The following CKMT2 variants were observed in gnomAD, a reference collection of about 807,000 sequenced individuals.
CKMT2 encodes creatine kinase S-type, mitochondrial.
Under a neutral mutation model 48.9 loss-of-function variants are expected in CKMT2, and 43 were observed. The ratio of observed to expected loss-of-function variants is 0.88; its 90% confidence interval spans 0.69 to 1.13. The LOEUF (loss-of-function observed/expected upper bound fraction) is 1.13, where lower values mean the gene tolerates loss of function less well. Ranked by LOEUF, CKMT2 falls within the 50% of genes most tolerant of loss-of-function variation. CKMT2 has a pLI of 0.00. For synonymous variants in CKMT2, 206 were observed against 213.0 expected (o/e 0.97, Z 0.29); for missense variants, 472 against 555.4 (o/e 0.85, Z 1.51).
chr5:81,263,418 G>C (rs767393892), intron 8 of CKMT2, 73 bp from the exon 9 acceptor site: 219 of 1,106,742 alleles, frequency 2.0e-4, no homozygotes, highest in Non-Finnish European at 2.6e-4. Flanking sequence ...TATGTCTTTT[G>C]TCAGTAAACG....
At chr5:81,257,652 C>T in intron 6 of CKMT2, 81 bp from the exon 7 acceptor site, 1 of 1,283,960 alleles carries the variant, frequency 7.8e-7, no homozygotes, top group Non-Finnish European at 1.1e-6. Context: ...ATGAAGCAAT[C>T]AAGCTAGGGA....
intron 1 of CKMT2, among the ~76,000 whole-genome samples, chr5:81,250,037 T>A (rs1370495466): frequency 6.6e-6 from 1 of 152,220 alleles, no homozygotes; most frequent in Non-Finnish European, 1.5e-5. Context: ...CAGCCATTCC[T>A]CTTCAAATCT....
In CKMT2 at chr5:81,266,282, A is replaced by G. The variant is rs1389601805; in HGVS notation, c.*24A>G. On this transcript the variant is annotated 3_prime_UTR_variant, in exon 10 of 10. Coordinates refer to ENST00000254035, the MANE Select transcript of CKMT2 (RefSeq NM_001099735.2). ...AAACTTTCCCTTTCCCAATTTATAA[A>G]TAATCTGTCTGCTGGTACGACAGAC... 1 of 1,610,496 alleles carries G rather than the reference A, an allele frequency of 6.2e-7. No homozygotes were observed. Among genetic ancestry groups the G allele is most frequent in the African/African-American group, 1.3e-5 (1 of 74,834 alleles).
At chr5:81,258,020 C>T in intron 7 of CKMT2, 164 bp downstream of exon 7, 1 of 564,338 alleles carries the variant, frequency 1.8e-6, no homozygotes, top group Non-Finnish European at 3.0e-6. Flanking sequence ...CCGCCTCAGC[C>T]TCTAGAGTAG....
At chr5:81,259,455 T>C (rs568289387) in intron 8 of CKMT2, 3 of 427,386 alleles carry the variant, frequency 7.0e-6, no homozygotes, top group Admixed American at 4.2e-5. Context: ...AAGAAAAAGA[T>C]GGTAGCTTCA....
intron 9 of CKMT2, 147 bp downstream of exon 9, chr5:81,263,763 T>C: frequency 1.7e-6 from 1 of 589,490 alleles, no homozygotes; most frequent in Non-Finnish European, 2.8e-6. Context: ...TTTCATTCTG[T>C]AACATTATTC....
chr5:81,248,195 G>A (rs1756676308), intron 1 of CKMT2, among the ~76,000 whole-genome samples: 1 of 152,174 alleles, frequency 6.6e-6, no homozygotes, highest in South Asian at 2.1e-4. Context: ...ACATATCAGT[G>A]CATAGGCAAT....
chr5:81,257,715 T>TATTTCTCTCTTCATTAGGCATAA lies in CKMT2; in HGVS notation c.756-17_761dup, dbSNP rs765452577. Reference sequence around the variant, plus strand: ...CAAATGCAATTAACACTCAGTACCATATTTCTCTCTTCATTAGGCATAATT... The same window carrying TATTTCTCTCTTCATTAGGCATAA: ...CAAATGCAATTAACACTCAGTACCATATTTCTCTCTTCATTAGGCATAAATTTCTCTCTTCATTAGGCATAATT... On this transcript the variant is annotated splice_polypyrimidine_tract_variant and intron_variant, in intron 6 of 9. Coordinates refer to ENST00000254035, the MANE Select transcript of CKMT2 (RefSeq NM_001099735.2). 69 of 1,607,042 alleles carry TATTTCTCTCTTCATTAGGCATAA rather than the reference T, an allele frequency of 4.3e-5. 1 individual carries two copies. The highest frequency in any genetic ancestry group is 1.9e-4 in the South Asian group (17 of 90,474).
intron 8 of CKMT2, among the ~76,000 whole-genome samples, chr5:81,261,149 T>C (rs1757209542): frequency 6.6e-6 from 1 of 152,186 alleles, no homozygotes; most frequent in Non-Finnish European, 1.5e-5. Context: ...AGAAAAGGCC[T>C]TTGACAAAAT....
intron 4 of CKMT2, 170 bp from the exon 5 acceptor site, chr5:81,254,823 A>G (rs1220867005): frequency 1.6e-6 from 1 of 640,122 alleles, no homozygotes; most frequent in Non-Finnish European, 2.8e-6. Flanking sequence ...TACTAGTCGA[A>G]GGTCCGTGCC....
intron 4 of CKMT2, 153 bp downstream of exon 4, chr5:81,254,644 G>A (rs1489377112): frequency 1.5e-6 from 1 of 655,300 alleles, no homozygotes; most frequent in Non-Finnish European, 2.6e-6. Flanking sequence ...GAGGGCCACA[G>A]AGAAGGTTAG....
chr5:81,254,045 A>G (rs1056405778), intron 3 of CKMT2, among the ~76,000 whole-genome samples: 8 of 152,238 alleles, frequency 5.3e-5, no homozygotes, highest in African/African-American at 1.9e-4. Context: ...ACAAGAGCAA[A>G]CACGTCTAGG....
intron 1 of CKMT2, chr5:81,236,204 AGCT>A (rs976506413): frequency 6.6e-6 from 1 of 152,122 alleles, no homozygotes; most frequent in Non-Finnish European, 1.5e-5. Flanking sequence ...TGTGCCTAGG[AGCT>A]GCTGTGTTAA....
rs1454464658 is a variant in CKMT2, at chr5:81,259,778, A to T, written c.1014+524A>T. 1.1e-3 allele frequency among the ~76,000 whole-genome samples: 163 copies of T among 152,308 alleles called. 1 individual carries two copies. Among genetic ancestry groups the T allele is most frequent in the East Asian group, 1.7e-3 (9 of 5,188 alleles). On this transcript the variant is annotated intron_variant, in intron 8 of 9. Transcript: ENST00000254035. ...CTTAGACTCCCACACAATAACAGTG[A>T]GAGACTTTAACACCCCATTGTCAAT...
chr5:81,259,056 G>A, intron 7 of CKMT2, 64 bp from the exon 8 acceptor site: 1 of 1,502,276 alleles, frequency 6.7e-7, no homozygotes, highest in Admixed American at 1.7e-5. Context: ...CTGGTGTTAG[G>A]GATGTGCTGA....
chr5:81,259,956 C>T (rs376466214), intron 8 of CKMT2, among the ~76,000 whole-genome samples: 1 of 152,064 alleles, frequency 6.6e-6, no homozygotes, highest in Non-Finnish European at 1.5e-5. Context: ...ATTGTAAAAT[C>T]GACCCCACAA....
chr5:81,236,841 C>T (rs946186519), intron 1 of CKMT2, among the ~76,000 whole-genome samples: 1 of 152,270 alleles, frequency 6.6e-6, no homozygotes, highest in South Asian at 2.1e-4. Flanking sequence ...GTCTTGTCCG[C>T]AGAGATAGAA....
chr5:81,251,513 G>A (rs562033855), intron 2 of CKMT2, among the ~76,000 whole-genome samples: 3 of 152,262 alleles, frequency 2.0e-5, no homozygotes, highest in Admixed American at 6.5e-5. Context: ...GCTTGAACCT[G>A]GGAGGCGGAG....
rs1300326456 is a variant in CKMT2, at chr5:81,263,519, A to C, written c.1043A>C (p.Asn348Thr). 4.3e-6 allele frequency: 7 copies of C among 1,613,030 alleles called. No homozygotes were observed. The highest frequency in any genetic ancestry group is 5.9e-6 in the Non-Finnish European group (7 of 1,179,384). ...KDPRFSKILE[N>T]LRLQKRGTGG... ...CCACGCTTTTCTAAGATCCTGGAAA[A>C]CCTAAGACTCCAGAAGCGTGGCACA... Residue 348 changes from asparagine (N) to threonine (T), a missense_variant, in exon 9 of 10, where the codon AAC becomes ACC. Asn to Thr is a moderately conservative substitution (Grantham distance 65). Coordinates refer to ENST00000254035, the MANE Select transcript of CKMT2 (RefSeq NM_001099735.2).
Sources: gnomAD v4.1 joint callset for allele counts (sites outside exome capture counted in the v4.1 genomes callset) on GRCh38, gnomAD v4.1.1 for gene constraint, MANE v1.5 for transcripts, NCBI Gene and HGNC (gene_info 2026-07-23, HGNC 2026-07-21) for gene names.